Variants in MYO1B observed in about 807,000 individuals in gnomAD.
MYO1B encodes unconventional myosin-Ib.
In MYO1B, 72 loss-of-function variants were observed where a neutral mutation model predicts 159.7. The ratio of observed to expected loss-of-function variants is 0.45; its 90% CI spans 0.37 to 0.55. The LOEUF is 0.55. MYO1B is among the 20% of genes least tolerant of loss of function. The pLI, the probability that MYO1B is intolerant of heterozygous loss-of-function variation, is 0.00. For synonymous variants in MYO1B, 468 were observed against 473.8 expected (o/e 0.99, Z 0.16); for missense variants, 1,062 against 1,364.8 (o/e 0.78, Z 3.50).
intron 3 of MYO1B, among the ~76,000 whole-genome samples, chr2:191,324,513 A>G (rs959882773): frequency 7.9e-5 from 12 of 152,172 alleles, no homozygotes; most frequent in Admixed American, 7.2e-4. Flanking sequence ...CCTTCCAACC[A>G]TTTAGGTATA....
chr2:191,366,368 G>A (rs1185062783), intron 11 of MYO1B, among the ~76,000 whole-genome samples: 1 of 151,920 alleles, frequency 6.6e-6, no homozygotes, highest in Non-Finnish European at 1.5e-5. Context: ...CAGCTATTCG[G>A]CTCCTTAGTC....
intron 3 of MYO1B, among the ~76,000 whole-genome samples, chr2:191,325,641 T>C (rs1406907573): frequency 2.0e-5 from 3 of 152,154 alleles, no homozygotes; most frequent in Non-Finnish European, 1.5e-5. Context: ...TGCTTTGCAC[T>C]TGAGGTGAAA....
intron 13 of MYO1B, chr2:191,377,733 A>G (rs1694796298): frequency 6.6e-6 from 1 of 152,214 alleles, no homozygotes; most frequent in African/African-American, 2.4e-5. Context: ...AATTTTCTGC[A>G]GATTATTGAT....
At chr2:191,373,071 CGATCTTTTGACTTCAT>C (rs1164883672) in intron 13 of MYO1B, among the ~76,000 whole-genome samples, 2 of 151,736 alleles carry the variant, frequency 1.3e-5, no homozygotes, top group Non-Finnish European at 2.9e-5. Flanking sequence ...AGGATGGTCT[CGATCTTTTGACTTCAT>C]GATCCACCCA....
At chr2:191,325,163 G>C (rs567050433) in intron 3 of MYO1B, among the ~76,000 whole-genome samples, 1 of 152,060 alleles carries the variant, frequency 6.6e-6, no homozygotes, top group Non-Finnish European at 1.5e-5. Flanking sequence ...CTTTTTTGGG[G>C]GTTAGTTTAG....
chr2:191,402,803 C>T, intron 24 of MYO1B, 85 bp downstream of exon 24: 1 of 1,050,778 alleles, frequency 9.5e-7, no homozygotes, highest in East Asian at 2.5e-5. Flanking sequence ...ATTGATTATG[C>T]TTGCTGATGG....
chr2:191,363,601 A>G, intron 9 of MYO1B, 127 bp from the exon 10 acceptor site: 1 of 1,276,624 alleles, frequency 7.8e-7, no homozygotes, highest in Non-Finnish European at 1.0e-6. Context: ...GTTGGAAACC[A>G]CTGAAGATAT....
At chr2:191,301,634 G>C (rs1278275704) in intron 3 of MYO1B, among the ~76,000 whole-genome samples, 2 of 152,200 alleles carry the variant, frequency 1.3e-5, no homozygotes, top group African/African-American at 4.8e-5. Context: ...CTATACCCAA[G>C]ATAATTTTGT....
chr2:191,364,321 T>C, intron 11 of MYO1B, 45 bp downstream of exon 11: 1 of 1,470,910 alleles, frequency 6.8e-7, no homozygotes, highest in Non-Finnish European at 9.5e-7. Context: ...TAAAAGTCTG[T>C]GCTAATTTTC....
At chr2:191,313,743 T>C (rs1690174012) in intron 3 of MYO1B, among the ~76,000 whole-genome samples, 1 of 152,178 alleles carries the variant, frequency 6.6e-6, no homozygotes, top group South Asian at 2.1e-4. Context: ...GGTCTTGAAC[T>C]CCTGACCTCA....
chr2:191,350,699 G>A (rs1437062559), intron 7 of MYO1B, among the ~76,000 whole-genome samples: 1 of 151,788 alleles, frequency 6.6e-6, no homozygotes, highest in Non-Finnish European at 1.5e-5. Context: ...CTCTTCCAGT[G>A]TATTTAAGTG....
At chr2:191,366,384 T>G (rs75438582) in intron 11 of MYO1B, among the ~76,000 whole-genome samples, 5 of 142,336 alleles carry the variant, frequency 3.5e-5, no homozygotes, top group African/African-American at 1.3e-4. Context: ...TAGTCAACTG[T>G]TTTTTTTTTT....
chr2:191,256,622 T>C (rs1169784010), intron 1 of MYO1B, among the ~76,000 whole-genome samples: 2 of 152,294 alleles, frequency 1.3e-5, no homozygotes, highest in Non-Finnish European at 2.9e-5. Flanking sequence ...GTTACGATAA[T>C]AGATTGGGGT....
At chr2:191,413,612 G>A (rs1697382184) in intron 27 of MYO1B, among the ~76,000 whole-genome samples, 1 of 152,172 alleles carries the variant, frequency 6.6e-6, no homozygotes, top group African/African-American at 2.4e-5. Context: ...CTTTAGAGCA[G>A]GTGATGGTAA....
intron 3 of MYO1B, among the ~76,000 whole-genome samples, chr2:191,310,344 G>A (rs1394143857): frequency 2.0e-5 from 3 of 152,112 alleles, no homozygotes; most frequent in South Asian, 2.1e-4. Flanking sequence ...CTGGGATTAC[G>A]GGCATGTGCC....
intron 1 of MYO1B, among the ~76,000 whole-genome samples, chr2:191,261,681 A>G (rs534105149): frequency 3.9e-4 from 59 of 152,268 alleles, no homozygotes; most frequent in Non-Finnish European, 6.3e-4. Context: ...AGAGAGGGGT[A>G]TGGGGCATTT....
At chr2:191,357,216 G>A (rs1234070817) in intron 7 of MYO1B, among the ~76,000 whole-genome samples, 1 of 152,040 alleles carries the variant, frequency 6.6e-6, no homozygotes, top group Admixed American at 6.5e-5. Context: ...CCTCCAGTAG[G>A]TGCAGCCTTA....
intron 13 of MYO1B, among the ~76,000 whole-genome samples, chr2:191,371,489 G>T (rs1694361318): frequency 6.6e-6 from 1 of 152,196 alleles, no homozygotes; most frequent in Non-Finnish European, 1.5e-5. Context: ...ACAGCCTCAT[G>T]AAGTAGCTGT....
intron 15 of MYO1B, among the ~76,000 whole-genome samples, chr2:191,383,584 G>C (rs1695224763): frequency 6.8e-6 from 1 of 148,016 alleles, no homozygotes; most frequent in Admixed American, 6.8e-5. Flanking sequence ...GAGTTCTAGA[G>C]ATTTTATTGT....
Sources: allele counts gnomAD v4.1 joint callset (sites outside exome capture counted in the v4.1 genomes callset), GRCh38; gene constraint gnomAD v4.1.1; transcripts MANE v1.5; gene names NCBI Gene and HGNC (gene_info 2026-07-23, HGNC 2026-07-21).